Variants in NSD2 observed in about 807,000 individuals in gnomAD.
The protein encoded by NSD2 is nuclear receptor binding SET domain protein 2, also known as histone-lysine N-methyltransferase NSD2.
Under a neutral mutation model 139.0 loss-of-function variants are expected in NSD2, and 12 were observed. The ratio of observed to expected loss-of-function variants is 0.09; its 90% CI spans 0.06 to 0.14. The LOEUF (loss-of-function observed/expected upper bound fraction) is 0.14, where lower values mean the gene tolerates loss of function less well. NSD2 is among the 10% of genes least tolerant of loss of function. The pLI is 1.00. For missense variants in NSD2, 1,155 were observed against 1,745.0 expected, an observed-to-expected ratio of 0.66 and a Z score of 6.02; for synonymous variants, 669 against 648.7, an observed-to-expected ratio of 1.03 and a Z score of -0.48.
At chr4:1,923,052 A>C (rs557706516) in intron 5 of NSD2, among the ~76,000 whole-genome samples, 1 of 152,326 alleles carries the variant, frequency 6.6e-6, no homozygotes, top group African/African-American at 2.4e-5. Context: ...GGAGGTCTGC[A>C]CTGGACGTGG....
chr4:1,882,667 AAAC>A (rs530707928), intron 1 of NSD2, among the ~76,000 whole-genome samples: 18 of 152,088 alleles, frequency 1.2e-4, no homozygotes, highest in African/African-American at 3.1e-4. Context: ...TCTGTCTCAA[AAAC>A]AACAACAACA....
chr4:1,927,719 G>GAAAAAAAAAAAAAAAAAA (rs1177170379), intron 5 of NSD2, among the ~76,000 whole-genome samples: 1 of 18,872 alleles, frequency 5.3e-5, no homozygotes, highest in African/African-American at 1.2e-4. Context: ...TCTTATCTCA[G>GAAAAAAAAAAAAAAAAAA]AAAAAAAAAA....
intron 1 of NSD2, among the ~76,000 whole-genome samples, chr4:1,889,073 T>G (rs1366367631): frequency 6.6e-6 from 1 of 151,832 alleles, no homozygotes; most frequent in Non-Finnish European, 1.5e-5. Context: ...AATTTTTGTA[T>G]TTTTAGTAGA....
At chr4:1,970,052 T>G (rs190286075) in intron 18 of NSD2, among the ~76,000 whole-genome samples, 2 of 151,678 alleles carry the variant, frequency 1.3e-5, no homozygotes, top group African/African-American at 4.8e-5. Context: ...AGAAGGAATG[T>G]AGGAAAGAAA....
Position 1,948,308 on chromosome 4 carries a change from AT to A in NSD2, c.1882-2763del. 3 of 1,064,850 alleles carry A rather than the reference AT, an allele frequency of 2.8e-6. No homozygotes were observed. Among genetic ancestry groups the A allele is most frequent in the Non-Finnish European group, 3.4e-6 (3 of 878,052 alleles). 66.0% of individuals were successfully genotyped at this position (1,064,850 alleles called of 1,614,324 possible). ...CCAAATGCATCTCGTTGGATATGGA[AT>A]AGATCGTAGATGTTGTAGACTGAGA... On this transcript the variant is annotated intron_variant, in intron 9 of 21. Coordinates refer to ENST00000508803, the MANE Select transcript of NSD2 (RefSeq NM_001042424.3). This position sits in a 1 kb window ranked among gnomAD's most constrained non-coding sequence, Gnocchi z 4.5.
intron 5 of NSD2, among the ~76,000 whole-genome samples, chr4:1,922,443 A>T (rs1283677744): frequency 6.6e-6 from 1 of 152,248 alleles, no homozygotes; most frequent in African/African-American, 2.4e-5. Context: ...ATGTATTTAT[A>T]TATAGGAAGA....
intron 9 of NSD2, chr4:1,939,981 A>C (rs754730582): frequency 3.5e-6 from 5 of 1,430,426 alleles, no homozygotes; most frequent in African/African-American, 2.9e-5. Flanking sequence ...AGCACTTTTT[A>C]TACACACGCA....
chr4:1,957,415 C>A (rs1724942757), intron 15 of NSD2, among the ~76,000 whole-genome samples: 1 of 151,254 alleles, frequency 6.6e-6, no homozygotes, highest in Non-Finnish European at 1.5e-5. Flanking sequence ...TCCCAAGTAG[C>A]TGGGACCATA....
At chr4:1,952,757 G>A (rs1216058403) in intron 11 of NSD2, 17 of 1,094,874 alleles carry the variant, frequency 1.6e-5, no homozygotes, top group South Asian at 3.4e-5. Flanking sequence ...ATCAGGTGTC[G>A]CCCGGCACAG....
intron 5 of NSD2, among the ~76,000 whole-genome samples, chr4:1,928,144 C>T (rs1577464579): frequency 6.6e-6 from 1 of 151,244 alleles, no homozygotes; most frequent in Non-Finnish European, 1.5e-5. Flanking sequence ...CTCAAGTGAT[C>T]TTCCCACTTA....
At chr4:1,911,593 AAAAAAAAAAAAAAAG>A (rs1718684744) in intron 3 of NSD2, among the ~76,000 whole-genome samples, 2 of 141,504 alleles carry the variant, frequency 1.4e-5, no homozygotes, top group South Asian at 2.3e-4. Context: ...ATCTCAAAAA[AAAAAAAAAAAAAAAG>A]AAAAAAAAAA....
intron 12 of NSD2, among the ~76,000 whole-genome samples, 198 bp from the exon 13 acceptor site, chr4:1,954,963 A>G (rs1473690998): frequency 6.6e-6 from 1 of 152,206 alleles, no homozygotes; most frequent in Non-Finnish European, 1.5e-5. Flanking sequence ...GACACGCGGC[A>G]TTTTAGATGT....
At chr4:1,905,354 C>A (rs17132080) in intron 3 of NSD2, among the ~76,000 whole-genome samples, 1 of 152,174 alleles carries the variant, frequency 6.6e-6, no homozygotes, top group Non-Finnish European at 1.5e-5. Flanking sequence ...ATCTGTGCAC[C>A]CTCTGGAAGT....
At position 1,978,550 on chromosome 4, in the gene NSD2, T is replaced by G. The variant is rs1374678340; in HGVS notation, c.3827-88T>G. 9.9e-6 allele frequency: 15 copies of G among 1,520,062 alleles called. No individual in the cohort carries two copies. The Admixed American group carries it at 1.1e-4, about 11-fold the overall frequency. 94.2% of individuals were successfully genotyped at this position (1,520,062 alleles called of 1,614,324 possible). A position where few individuals can be genotyped will look rare whatever the true frequency, so the allele number is the denominator to read the frequency against. The stretch of plus-strand genomic sequence containing the variant: ...AGCACTATTTTGTGTTCATTTGACC[T>G]GACAGTTGTAAGTCATCTTCAACCA... On this transcript the variant is annotated intron_variant, in intron 21 of 21. Transcript: ENST00000508803.
At chr4:1,960,997 C>A in intron 17 of NSD2, 38 bp from the exon 18 acceptor site, 1 of 1,571,626 alleles carries the variant, frequency 6.4e-7, no homozygotes, top group Non-Finnish European at 8.7e-7. Flanking sequence ...GATTGGTCAG[C>A]ACGCTTTTTG....
intron 7 of NSD2, among the ~76,000 whole-genome samples, chr4:1,935,581 C>T (rs543112932): frequency 4.0e-4 from 61 of 152,234 alleles, no homozygotes; most frequent in Non-Finnish European, 7.5e-4. Context: ...CCTCTTTGGC[C>T]GGGTGTGGTG....
intron 1 of NSD2, among the ~76,000 whole-genome samples, chr4:1,897,726 A>C (rs1024998419): frequency 6.6e-6 from 1 of 152,218 alleles, no homozygotes; most frequent in African/African-American, 2.4e-5. Flanking sequence ...TCCTGGGTTC[A>C]AGCGATTCTC....
rs1721519450 is a variant in NSD2, at chr4:1,930,566, A to G, written c.1411-60A>G. The G allele has an allele frequency of 5.3e-6, 8 of 1,508,216 alleles. No homozygotes were observed. In the South Asian group the frequency reaches 9.5e-5, roughly 18 times the overall value. The allele number at this position is 1,508,216 out of a possible 1,614,324, so 93.4% of individuals were successfully genotyped here. On this transcript the variant is annotated intron_variant, in intron 5 of 21. Coordinates refer to ENST00000508803, the MANE Select transcript of NSD2 (RefSeq NM_001042424.3). Reference sequence around the variant, plus strand: ...GGCCGTGCATTTGATTTCATGCAAAACAAAACCCAATGAGTTTTACGGATT... The same window carrying G: ...GGCCGTGCATTTGATTTCATGCAAAGCAAAACCCAATGAGTTTTACGGATT...
chr4:1,893,800 C>G (rs1360392186), intron 1 of NSD2: 1 of 152,268 alleles, frequency 6.6e-6, no homozygotes, highest in Non-Finnish European at 1.5e-5. Context: ...CTGCCTCGTC[C>G]TCCCAAAGTG....
Sources: allele counts gnomAD v4.1 joint callset (sites outside exome capture counted in the v4.1 genomes callset), GRCh38; gene constraint gnomAD v4.1.1; non-coding constraint Gnocchi (gnomAD v3.1); transcripts MANE v1.5; gene names NCBI Gene and HGNC (gene_info 2026-07-23, HGNC 2026-07-21).